The following NTF3 variants were observed in gnomAD, a reference collection of about 807,000 sequenced individuals.
NTF3 encodes neurotrophin 3.
NTF3 carries 8 observed loss-of-function variants against 26.3 expected under a neutral mutation model. That is an observed-to-expected ratio of 0.30 (90% CI 0.18 to 0.55). The LOEUF is 0.55. Among genes scored for constraint, NTF3 ranks in the 20% least tolerant of loss-of-function variants. The pLI is 0.93. For missense variants in NTF3, 276 were observed against 352.9 expected, an observed-to-expected ratio of 0.78 and a Z score of 1.75; for synonymous variants, 154 against 145.5, an observed-to-expected ratio of 1.06 and a Z score of -0.42.
chr12:5,482,703 T>A (rs1220990919), intron 1 of NTF3, among the ~76,000 whole-genome samples: 1 of 151,540 alleles, frequency 6.6e-6, no homozygotes, highest in Non-Finnish European at 1.5e-5. Context: ...TGTGTCTCTC[T>A]CCTCCTCCCC....
chr12:5,463,805 T>C (rs1394403613), intron 1 of NTF3, among the ~76,000 whole-genome samples: 3 of 152,208 alleles, frequency 2.0e-5, no homozygotes, highest in Non-Finnish European at 4.4e-5. Context: ...CACTACTGGG[T>C]TACCAACTTG....
chr12:5,446,923 C>T (rs576284034), intron 1 of NTF3, among the ~76,000 whole-genome samples: 195 of 152,206 alleles, frequency 1.3e-3, no homozygotes, highest in African/African-American at 4.4e-3. Context: ...GGATGGTAGC[C>T]GAAGAGAGCA....
intron 1 of NTF3, among the ~76,000 whole-genome samples, chr12:5,450,993 G>A (rs750829425): frequency 1.3e-5 from 2 of 152,152 alleles, no homozygotes; most frequent in African/African-American, 2.4e-5. Context: ...AGCTTAGGAC[G>A]ACTCTTTTCT....
Position 5,494,098 on chromosome 12 carries a change from G to A in NTF3, c.19-96G>A. Reference sequence around the variant, plus strand: ...CCTGGGGGGCGGTACCCTCTCTCGTGCCCTCACAGGGCTACTCAGCCTCAG... The same window carrying A: ...CCTGGGGGGCGGTACCCTCTCTCGTACCCTCACAGGGCTACTCAGCCTCAG... On this transcript the variant is annotated intron_variant, in intron 1 of 1. Transcript: ENST00000423158. The surrounding 1 kb of genome is among the most constrained non-coding windows in gnomAD (Gnocchi z 8.3). 1 of 1,182,826 alleles carries A rather than the reference G, an allele frequency of 8.5e-7. No individual in the cohort carries two copies. Among genetic ancestry groups the A allele is most frequent in the Non-Finnish European group, 1.2e-6 (1 of 831,150 alleles). 73.3% of individuals were successfully genotyped at this position (1,182,826 alleles called of 1,614,324 possible). A position where few individuals can be genotyped will look rare whatever the true frequency, so the allele number is the denominator to read the frequency against.
chr12:5,486,931 A>C (rs1053566262), intron 1 of NTF3, among the ~76,000 whole-genome samples: 15 of 151,738 alleles, frequency 9.9e-5, no homozygotes, highest in Non-Finnish European at 1.6e-4. Flanking sequence ...AGGCACACAA[A>C]CCCATGCATG....
At chr12:5,466,052 G>A (rs752454544) in intron 1 of NTF3, among the ~76,000 whole-genome samples, 1 of 152,214 alleles carries the variant, frequency 6.6e-6, no homozygotes, top group Non-Finnish European at 1.5e-5. Context: ...CGTGCCCAAT[G>A]TGTCTCAGCC....
chr12:5,435,445 TA>T (rs1940155070), intron 1 of NTF3, among the ~76,000 whole-genome samples: 1 of 152,222 alleles, frequency 6.6e-6, no homozygotes, highest in African/African-American at 2.4e-5. Flanking sequence ...TAGAGATGTT[TA>T]TGGATCTTGG....
intron 1 of NTF3, among the ~76,000 whole-genome samples, chr12:5,440,097 G>C (rs1479370467): frequency 6.6e-6 from 1 of 152,132 alleles, no homozygotes; most frequent in African/African-American, 2.4e-5. Flanking sequence ...TGTGACTAAA[G>C]GCTCATTCCT....
At chr12:5,467,798 C>T (rs540057929) in intron 1 of NTF3, among the ~76,000 whole-genome samples, 317 of 152,312 alleles carry the variant, frequency 2.1e-3, no homozygotes, top group Non-Finnish European at 2.8e-3. Context: ...AAAACACATA[C>T]ATGGGGCAGC....
intron 1 of NTF3, among the ~76,000 whole-genome samples, chr12:5,439,937 A>T (rs1034230508): frequency 6.6e-6 from 1 of 152,168 alleles, no homozygotes; most frequent in Admixed American, 6.5e-5. Flanking sequence ...ACTGCTAAAG[A>T]CTGAGGTCCC....
intron 1 of NTF3, among the ~76,000 whole-genome samples, chr12:5,462,282 T>G (rs11063691): frequency 0.13 from 20,287 of 152,224 alleles, 1,681 homozygotes; most frequent in East Asian, 0.29. Context: ...ATTTAGAACT[T>G]GGATTACCAA....
intron 1 of NTF3, among the ~76,000 whole-genome samples, chr12:5,461,487 C>T (rs1940523399): frequency 6.6e-6 from 1 of 152,148 alleles, no homozygotes; most frequent in Non-Finnish European, 1.5e-5. Flanking sequence ...GTGCTCTCCT[C>T]AGCTCTCTGC....
Position 5,432,187 on chromosome 12 carries a change from C to T in NTF3, c.-138C>T. On this transcript the variant is annotated 5_prime_UTR_variant, in exon 1 of 2. Transcript: ENST00000423158. ...CGCAGCCCGGCGCAACTACTTTCTT[C>T]TCTCTCCTTTCTTTCTTCCTCTCCT... 13 of 1,030,702 alleles carry T rather than the reference C, an allele frequency of 1.3e-5. No homozygotes were observed. Among genetic ancestry groups the T allele is most frequent in the South Asian group, 1.0e-4 (8 of 76,572 alleles). 63.8% of individuals were successfully genotyped at this position (1,030,702 alleles called of 1,614,324 possible).
intron 1 of NTF3, among the ~76,000 whole-genome samples, chr12:5,466,951 GGCCGGGTGCAGTGGCTCAC>G (rs900525222): frequency 1.3e-5 from 2 of 152,118 alleles, no homozygotes; most frequent in African/African-American, 4.8e-5. Context: ...TCGGGTGCTT[GGCCGGGTGCAGTGGCTCAC>G]GCCTGTAATT....
rs767409726 is a variant in NTF3, at chr12:5,494,871, A to C, written c.696A>C (p.Thr232=). ...AACACTGGAACTCTCAGTGCAAAAC[A>C]TCCCAAACCTACGTCCGAGCACTGA... The part of the protein sequence containing the change: ...DDKHWNSQCK[T]SQTYVRALTS... Residue 232 remains threonine (T), a synonymous_variant, in exon 2 of 2, where the codon ACA becomes ACC. Coordinates refer to ENST00000423158, the MANE Select transcript of NTF3 (RefSeq NM_001102654.2). This position sits in a 1 kb window ranked among gnomAD's most constrained non-coding sequence, Gnocchi z 8.3. 5 of 1,614,078 alleles carry C rather than the reference A, an allele frequency of 3.1e-6. No individual in the cohort carries two copies. Among genetic ancestry groups the C allele is most frequent in the Admixed American group, 3.3e-5 (2 of 59,990 alleles).
At chr12:5,464,031 G>C (rs1460726534) in intron 1 of NTF3, among the ~76,000 whole-genome samples, 1 of 152,182 alleles carries the variant, frequency 6.6e-6, no homozygotes, top group Non-Finnish European at 1.5e-5. Flanking sequence ...GACTTGGCTT[G>C]AGCTGTGCTT....
In NTF3 at chr12:5,492,061, T is replaced by G. The variant is rs116827025; in HGVS notation, c.19-2133T>G. 3.1e-3 allele frequency among the ~76,000 whole-genome samples: 478 copies of G among 152,316 alleles called. 2 individuals are homozygous for G. The highest frequency in any genetic ancestry group is 0.011 in the African/African-American group (456 of 41,554). ...ATTTAGGTTGTCCTCATCTATAAGA[T>G]GAAGGAATAAGATTAGATGGCCTCT... On this transcript the variant is annotated intron_variant, in intron 1 of 1. Coordinates refer to ENST00000423158, the MANE Select transcript of NTF3 (RefSeq NM_001102654.2).
At chr12:5,432,386 T>C (rs1565568558) in intron 1 of NTF3, 44 bp downstream of exon 1, 1 of 1,486,288 alleles carries the variant, frequency 6.7e-7, no homozygotes, top group Non-Finnish European at 9.3e-7. Flanking sequence ...GGTTTGGGGA[T>C]GGGGGTCCAC....
At chr12:5,458,102 C>G (rs1373253874) in intron 1 of NTF3, among the ~76,000 whole-genome samples, 1 of 152,146 alleles carries the variant, frequency 6.6e-6, no homozygotes, top group Admixed American at 6.5e-5. Context: ...CTCTCCCCAC[C>G]TCTCTCTCAC....
Sources: allele counts gnomAD v4.1 joint callset (sites outside exome capture counted in the v4.1 genomes callset), GRCh38; gene constraint gnomAD v4.1.1; non-coding constraint Gnocchi (gnomAD v3.1); transcripts MANE v1.5; gene names NCBI Gene and HGNC (gene_info 2026-07-23, HGNC 2026-07-21).